RABEP1: variants seen among roughly 807,000 people sequenced by gnomAD.
The protein encoded by RABEP1 is rab GTPase-binding effector protein 1.
Under a neutral mutation model 123.4 loss-of-function variants are expected in RABEP1, and 51 were observed. The observed-to-expected ratio is 0.41, with a 90% CI of 0.33 to 0.52. The LOEUF is 0.52. Among genes scored for constraint, RABEP1 ranks in the 20% least tolerant of loss-of-function variants. The pLI is 0.16. For missense variants in RABEP1, 888 were observed against 996.3 expected, an observed-to-expected ratio of 0.89 and a Z score of 1.46; for synonymous variants, 347 against 355.2, an observed-to-expected ratio of 0.98 and a Z score of 0.26.
intron 3 of RABEP1, among the ~76,000 whole-genome samples, chr17:5,332,722 C>A (rs1385960104): frequency 6.6e-6 from 1 of 151,216 alleles, no homozygotes; most frequent in African/African-American, 2.4e-5. Context: ...GATTCTCCTG[C>A]CTCAGCCTCC....
chr17:5,289,871 CTT>C (rs1490286980), intron 1 of RABEP1, among the ~76,000 whole-genome samples: 1 of 152,198 alleles, frequency 6.6e-6, no homozygotes. Context: ...TATCCACTGT[CTT>C]TGTCACTCTG....
At position 5,386,286 on chromosome 17, in the gene RABEP1, T is replaced by C; in HGVS notation, c.*3063T>C. ...TGTTCACCCCTGTAAAATTGTAAAG[T>C]CACTCACTTTTGGAATTATAATAAA... On this transcript the variant is annotated 3_prime_UTR_variant, in exon 18 of 18. Coordinates refer to ENST00000537505, the MANE Select transcript of RABEP1 (RefSeq NM_004703.6). The C allele has an allele frequency of 6.3e-7, 1 of 1,581,194 alleles. No individual in the cohort carries two copies. The highest frequency in any genetic ancestry group is 8.6e-7 in the Non-Finnish European group (1 of 1,157,656).
intron 8 of RABEP1, among the ~76,000 whole-genome samples, chr17:5,360,287 G>T (rs931890952): frequency 4.6e-5 from 7 of 152,260 alleles, no homozygotes; most frequent in African/African-American, 1.7e-4. Context: ...CTTGGGCCGG[G>T]TGCGGTGGCT....
At position 5,338,030 on chromosome 17, in the gene RABEP1, T is replaced by G; in HGVS notation, c.540T>G (p.Asp180Glu). 6.2e-7 allele frequency: 1 copy of G among 1,612,984 alleles called. No individual in the cohort carries two copies. Among genetic ancestry groups the G allele is most frequent in the East Asian group, 2.2e-5 (1 of 44,850 alleles). Residue 180 changes from aspartate (D) to glutamate (E), a missense_variant, in exon 5 of 18, where the codon GAT becomes GAG. By Grantham distance (45) the Asp-to-Glu change is conservative. Transcript: ENST00000537505. ...CTTTTTAACCATAGGCCCAAGAGGA[T>G]GCTGAGAAACTTCGGTCCGTTGTGA... ...LENEMKKAQE[D>E]AEKLRSVVMP... is the part of the protein sequence containing the mutation.
intron 11 of RABEP1, among the ~76,000 whole-genome samples, chr17:5,367,971 G>A (rs1423031057): frequency 6.6e-6 from 1 of 150,600 alleles, no homozygotes; most frequent in Admixed American, 6.7e-5. Flanking sequence ...AGGCCAGGCT[G>A]GTCTCGAACT....
intron 2 of RABEP1, among the ~76,000 whole-genome samples, chr17:5,328,999 TAAAC>T (rs1299760241): frequency 6.9e-6 from 1 of 144,072 alleles, no homozygotes; most frequent in East Asian, 2.1e-4. Context: ...GATCTTAATT[TAAAC>T]AAATATTCAG....
chr17:5,362,839 C>G (rs1484218727), intron 9 of RABEP1, 73 bp from the exon 10 acceptor site: 1 of 973,148 alleles, frequency 1.0e-6, no homozygotes, highest in Non-Finnish European at 1.7e-6. Context: ...ATTGGTAAGA[C>G]TATGCACGTG....
chr17:5,338,359 G>A (rs1907282773), intron 5 of RABEP1, among the ~76,000 whole-genome samples: 2 of 151,772 alleles, frequency 1.3e-5, no homozygotes, highest in Admixed American at 1.3e-4. Context: ...GTTGGGAGTT[G>A]GAGACCAGTC....
At chr17:5,352,036 C>T (rs915720537) in intron 7 of RABEP1, among the ~76,000 whole-genome samples, 2 of 152,026 alleles carry the variant, frequency 1.3e-5, no homozygotes, top group Non-Finnish European at 2.9e-5. Context: ...TAAAAGTGTT[C>T]ACTGCCTTTC....
At chr17:5,373,675 A>G (rs1190254178) in intron 13 of RABEP1, among the ~76,000 whole-genome samples, 3 of 144,356 alleles carry the variant, frequency 2.1e-5, no homozygotes, top group Non-Finnish European at 3.0e-5. Flanking sequence ...ACTCCCTGTG[A>G]CCCGACTACA....
chr17:5,353,366 C>T (rs1282580459), intron 7 of RABEP1, among the ~76,000 whole-genome samples: 3 of 152,146 alleles, frequency 2.0e-5, no homozygotes, highest in Non-Finnish European at 4.4e-5. Flanking sequence ...TGTTTTTCTC[C>T]TTCTTTAGAA....
At chr17:5,323,115 A>G (rs911131981) in intron 2 of RABEP1, among the ~76,000 whole-genome samples, 2 of 152,204 alleles carry the variant, frequency 1.3e-5, no homozygotes, top group East Asian at 1.9e-4. Context: ...CTGTATGGTT[A>G]TATCAATAGA....
chr17:5,367,641 T>G (rs1259197498), intron 11 of RABEP1, among the ~76,000 whole-genome samples: 1 of 151,238 alleles, frequency 6.6e-6, no homozygotes, highest in African/African-American at 2.4e-5. Context: ...GATCCACCTT[T>G]CCCCCATTGC....
At chr17:5,360,985 A>C (rs945514520) in intron 8 of RABEP1, 4 of 526,392 alleles carry the variant, frequency 7.6e-6, no homozygotes, top group East Asian at 3.2e-5. Flanking sequence ...AGCCGTATGT[A>C]TCTCGAGGTC....
intron 2 of RABEP1, among the ~76,000 whole-genome samples, chr17:5,323,859 A>AATATGTATATATATCTAGGAATAT (rs1905696384): frequency 7.8e-6 from 1 of 128,146 alleles, no homozygotes; most frequent in East Asian, 2.1e-4. Context: ...TATATCTAGG[A>AATATGTATATATATCTAGGAATAT]ATATATATAT....
At chr17:5,284,869 C>T (rs1220091027) in intron 1 of RABEP1, among the ~76,000 whole-genome samples, 1 of 151,362 alleles carries the variant, frequency 6.6e-6, no homozygotes, top group African/African-American at 2.4e-5. Flanking sequence ...AAAAAAATCG[C>T]CAGAATTCTT....
intron 1 of RABEP1, among the ~76,000 whole-genome samples, chr17:5,304,542 A>G (rs758322422): frequency 9.9e-5 from 15 of 152,172 alleles, no homozygotes; most frequent in Admixed American, 2.0e-4. Context: ...AGATTGCGCC[A>G]CTGCACTCCA....
intron 2 of RABEP1, among the ~76,000 whole-genome samples, chr17:5,315,738 G>A (rs888739914): frequency 1.3e-5 from 2 of 152,156 alleles, no homozygotes; most frequent in Admixed American, 6.5e-5. Context: ...TGTAATCCCT[G>A]CTACTTGGGA....
Position 5,383,425 on chromosome 17 carries a change from A to C in RABEP1, c.*202A>C, listed in dbSNP as rs1911665495. 3.6e-6 allele frequency: 2 copies of C among 551,670 alleles called. No individual in the cohort carries two copies. Among genetic ancestry groups the C allele is most frequent in the Non-Finnish European group, 6.5e-6 (2 of 307,942 alleles). The allele number at this position is 551,670 out of a possible 1,614,324, so 34.2% of individuals were successfully genotyped here. A position where few individuals can be genotyped will look rare whatever the true frequency, so the allele number is the denominator to read the frequency against. On this transcript the variant is annotated 3_prime_UTR_variant, in exon 18 of 18. Coordinates refer to ENST00000537505, the MANE Select transcript of RABEP1 (RefSeq NM_004703.6). Reference sequence around the variant, plus strand: ...GGTGATCTGCAGCCCAGAGACCTTCAAATGCGAACACTATAAACTCCAGGC... The same window carrying C: ...GGTGATCTGCAGCCCAGAGACCTTCCAATGCGAACACTATAAACTCCAGGC...
Sources: gnomAD v4.1 joint callset for allele counts (sites outside exome capture counted in the v4.1 genomes callset) on GRCh38, gnomAD v4.1.1 for gene constraint, MANE v1.5 for transcripts, NCBI Gene and HGNC (gene_info 2026-07-23, HGNC 2026-07-21) for gene names.